The following C12orf42 variants were observed in gnomAD, a reference collection of about 807,000 sequenced individuals.
C12orf42 encodes the protein uncharacterized protein C12orf42.
A neutral mutation model predicts 21.6 loss-of-function variants in C12orf42; 25 were observed. The ratio of observed to expected loss-of-function variants is 1.16; its 90% confidence interval spans 0.84 to 1.62. The LOEUF is 1.62. C12orf42 is among the 40% of genes most tolerant of loss of function. The pLI, the probability that C12orf42 is intolerant of heterozygous loss-of-function variation, is 0.00. For synonymous variants in C12orf42, 174 were observed against 175.0 expected (o/e 0.99, Z 0.05); for missense variants, 483 against 459.3 (o/e 1.05, Z -0.47).
At chr12:103,416,069 T>A (rs1396797878) in intron 2 of C12orf42, among the ~76,000 whole-genome samples, 1 of 151,804 alleles carries the variant, frequency 6.6e-6, no homozygotes, top group Non-Finnish European at 1.5e-5. Context: ...CAACTGAGTG[T>A]GTATACGTGT....
chr12:103,418,885 CTA>C (rs1171773346), intron 2 of C12orf42, among the ~76,000 whole-genome samples: 1 of 149,058 alleles, frequency 6.7e-6, no homozygotes, highest in Non-Finnish European at 1.5e-5. Context: ...CTTATATCTA[CTA>C]TTGACAAAGG....
At chr12:103,109,430 G>C in the C12orf42 span, among the ~76,000 whole-genome samples, 5 of 152,070 alleles carry the variant, frequency 3.3e-5, no homozygotes, top group Admixed American at 1.3e-4. Context: ...TAGATCACTG[G>C]AGAGTGAGAG....
At chr12:103,349,775 A>T (rs1566127384) in intron 4 of C12orf42, among the ~76,000 whole-genome samples, 1 of 152,294 alleles carries the variant, frequency 6.6e-6, no homozygotes, top group South Asian at 2.1e-4. Context: ...TGGAAATACA[A>T]TGGTAAAATG....
intron 10 of C12orf42, among the ~76,000 whole-genome samples, chr12:103,239,837 A>T (rs1879252): frequency 0.19 from 29,233 of 152,112 alleles, 2,854 homozygotes; most frequent in South Asian, 0.23. Flanking sequence ...CGGCTTTATT[A>T]TCAGAAGGGA....
At chr12:103,313,892 G>T (rs2039203452) in intron 4 of C12orf42, among the ~76,000 whole-genome samples, 1 of 152,178 alleles carries the variant, frequency 6.6e-6, no homozygotes, top group African/African-American at 2.4e-5. Flanking sequence ...AGATATGACA[G>T]AATAAGGCAA....
At chr12:103,194,451 G>T in the C12orf42 span, among the ~76,000 whole-genome samples, 3 of 152,082 alleles carry the variant, frequency 2.0e-5, no homozygotes, top group East Asian at 3.9e-4. Context: ...GTTAGAACTA[G>T]TAAATAAATA....
downstream of C12orf42, among the ~76,000 whole-genome samples, chr12:103,235,519 T>C (rs2033440368): frequency 1.3e-5 from 2 of 152,202 alleles, no homozygotes; most frequent in Admixed American, 1.3e-4. Flanking sequence ...GTTGGTATAC[T>C]AATTTTTGGA....
chr12:103,523,789 CA>C, the C12orf42 span, among the ~76,000 whole-genome samples: 2 of 151,578 alleles, frequency 1.3e-5, no homozygotes, highest in African/African-American at 4.8e-5. Context: ...AACCTTTCAA[CA>C]ACCCCATAAA....
At chr12:103,450,693 GTTC>G (rs562037375) in intron 2 of C12orf42, among the ~76,000 whole-genome samples, 94 of 152,182 alleles carry the variant, frequency 6.2e-4, no homozygotes, top group African/African-American at 2.2e-3. Context: ...CCAATCTGCT[GTTC>G]TTCATGGTTT....
the C12orf42 span, among the ~76,000 whole-genome samples, chr12:103,155,671 T>TATACATACATAAGTATATATACACATAC: frequency 1.3e-5 from 2 of 148,934 alleles, no homozygotes; most frequent in Non-Finnish European, 3.0e-5. Flanking sequence ...TATACATATA[T>TATACATACATAAGTATATATACACATAC]ATACATACAT....
chr12:103,287,260 T>G (rs1279501074), intron 4 of C12orf42, among the ~76,000 whole-genome samples: 1 of 152,160 alleles, frequency 6.6e-6, no homozygotes, highest in African/African-American at 2.4e-5. Context: ...CACATGTATG[T>G]TTACTGCAGC....
chr12:103,496,953 A>T (rs1433759070), upstream of C12orf42, among the ~76,000 whole-genome samples: 1 of 105,172 alleles, frequency 9.5e-6, no homozygotes, highest in Non-Finnish European at 1.9e-5. Context: ...TTATTTCTTT[A>T]AAAAAAAAAG....
chr12:103,431,063 G>A (rs1950226510), intron 2 of C12orf42: 1 of 150,210 alleles, frequency 6.7e-6, no homozygotes, highest in African/African-American at 2.5e-5. Context: ...GTATACCTAT[G>A]TAACAAACCT....
At chr12:103,525,795 C>T in the C12orf42 span, among the ~76,000 whole-genome samples, 1 of 152,068 alleles carries the variant, frequency 6.6e-6, no homozygotes, top group Non-Finnish European at 1.5e-5. Context: ...TTTGAGAGGC[C>T]AAGGCAGATG....
At chr12:103,068,251 C>A in the C12orf42 span, among the ~76,000 whole-genome samples, 4 of 152,102 alleles carry the variant, frequency 2.6e-5, no homozygotes, top group Non-Finnish European at 4.4e-5. Flanking sequence ...AAAATACCTT[C>A]ATTTTATTTT....
the C12orf42 span, among the ~76,000 whole-genome samples, chr12:103,212,073 G>C: frequency 3.6e-4 from 54 of 152,096 alleles, 1 homozygote; most frequent in South Asian, 8.5e-3. Flanking sequence ...ACTAAATATT[G>C]TACATAGTGT....
At chr12:103,351,471 T>C (rs1378874287) in intron 4 of C12orf42, among the ~76,000 whole-genome samples, 1 of 152,128 alleles carries the variant, frequency 6.6e-6, no homozygotes, top group Non-Finnish European at 1.5e-5. Flanking sequence ...TCCTTTATAT[T>C]TAATTTGGCT....
At chr12:103,333,688 T>C (rs1312999308) in intron 4 of C12orf42, among the ~76,000 whole-genome samples, 1 of 152,122 alleles carries the variant, frequency 6.6e-6, no homozygotes, top group Non-Finnish European at 1.5e-5. Context: ...TATCTGGTTG[T>C]ACTAGAACCA....
At chr12:103,200,607 C>T in the C12orf42 span, among the ~76,000 whole-genome samples, 1 of 152,032 alleles carries the variant, frequency 6.6e-6, no homozygotes, top group Non-Finnish European at 1.5e-5. Flanking sequence ...TCAAGTTGTA[C>T]ACATTAATTA....
Sources: gnomAD v4.1 joint callset for allele counts (sites outside exome capture counted in the v4.1 genomes callset) on GRCh38, gnomAD v4.1.1 for gene constraint, MANE v1.5 for transcripts, NCBI Gene and HGNC (gene_info 2026-07-23, HGNC 2026-07-21) for gene names.